Variants in PTPRD observed in about 807,000 individuals in gnomAD.
The protein encoded by PTPRD is protein tyrosine phosphatase receptor type D.
PTPRD carries 34 observed loss-of-function variants against 214.5 expected under a neutral mutation model. The ratio of observed to expected loss-of-function variants is 0.16; its 90% CI spans 0.12 to 0.21. The LOEUF (loss-of-function observed/expected upper bound fraction) is 0.21. PTPRD is among the 10% of genes least tolerant of loss of function. The pLI is 1.00. For synonymous variants in PTPRD, 1,128 were observed against 845.7 expected (o/e 1.33, Z -5.79); for missense variants, 2,545 against 2,398.7 (o/e 1.06, Z -1.27).
At chr9:9,068,863 A>AC (rs575628766) in intron 10 of PTPRD, among the ~76,000 whole-genome samples, 2 of 151,608 alleles carry the variant, frequency 1.3e-5, no homozygotes, top group Admixed American at 6.6e-5. Flanking sequence ...TCCCTCCTTG[A>AC]CCCCCCAAAG....
At chr9:8,658,259 G>A (rs117780427) in intron 12 of PTPRD, among the ~76,000 whole-genome samples, 160 of 152,220 alleles carry the variant, frequency 1.1e-3, no homozygotes, top group Non-Finnish European at 1.8e-3. Flanking sequence ...TATTATTATG[G>A]AAGTTTATAT....
rs548963618 is a variant in PTPRD, at chr9:9,036,227, T to G, written c.-142-17492A>C. On this transcript the variant is annotated intron_variant, in intron 10 of 45. Coordinates refer to ENST00000381196, the MANE Select transcript of PTPRD (RefSeq NM_002839.4). ...AGAAAATTAAAAAAAAAAAAAAACT[T>G]GGCAGGTTGTATGGAAACTAGGGAT... is the stretch of plus-strand genomic sequence containing the variant. Among the ~76,000 whole-genome samples, 3 of 150,116 alleles carry G rather than the reference T, an allele frequency of 2.0e-5. No homozygotes were observed. In the East Asian group the frequency reaches 5.9e-4, roughly 29 times the overall value.
intron 11 of PTPRD, among the ~76,000 whole-genome samples, chr9:8,792,860 C>G (rs1240533366): frequency 2.6e-5 from 4 of 151,954 alleles, no homozygotes; most frequent in African/African-American, 7.3e-5. Flanking sequence ...CCTTTTATTA[C>G]TGCTAAAAAG....
At chr9:9,708,250 G>A (rs1469184515) in intron 7 of PTPRD, among the ~76,000 whole-genome samples, 2 of 151,974 alleles carry the variant, frequency 1.3e-5, no homozygotes, top group Admixed American at 6.6e-5. Context: ...CATCAGTGAT[G>A]CATTCAGCTA....
chr9:8,373,714 G>C (rs1439574513), intron 39 of PTPRD, among the ~76,000 whole-genome samples: 1 of 149,192 alleles, frequency 6.7e-6, no homozygotes, highest in African/African-American at 2.5e-5. Flanking sequence ...TTTGCTATTT[G>C]CTTGCAAACA....
At chr9:9,114,734 C>T (rs989719105) in intron 10 of PTPRD, among the ~76,000 whole-genome samples, 13 of 152,138 alleles carry the variant, frequency 8.5e-5, no homozygotes, top group African/African-American at 2.9e-4. Flanking sequence ...AACCCTTTTG[C>T]CTCCTCTTTC....
intron 7 of PTPRD, among the ~76,000 whole-genome samples, chr9:9,719,998 C>T (rs1408145159): frequency 1.3e-5 from 2 of 152,128 alleles, no homozygotes; most frequent in Non-Finnish European, 2.9e-5. Context: ...TGCCACTCCA[C>T]ACCTGGCTCA....
At chr9:9,121,396 C>G (rs1474722715) in intron 10 of PTPRD, among the ~76,000 whole-genome samples, 1 of 152,088 alleles carries the variant, frequency 6.6e-6, no homozygotes, top group Admixed American at 6.6e-5. Flanking sequence ...CAGCACAAGT[C>G]ACAATAGGAA....
intron 14 of PTPRD, among the ~76,000 whole-genome samples, chr9:8,619,299 C>T (rs1028406625): frequency 6.6e-6 from 1 of 151,858 alleles, no homozygotes; most frequent in Non-Finnish European, 1.5e-5. Flanking sequence ...CTTAAACTTA[C>T]TCCTCCTAAC....
At chr9:9,348,253 C>T (rs1332917214) in intron 9 of PTPRD, among the ~76,000 whole-genome samples, 2 of 152,018 alleles carry the variant, frequency 1.3e-5, no homozygotes, top group Non-Finnish European at 2.9e-5. Context: ...TCTCAATTTA[C>T]TTAAAAAATC....
intron 3 of PTPRD, among the ~76,000 whole-genome samples, chr9:10,307,501 T>C (rs966506775): frequency 1.3e-5 from 2 of 152,146 alleles, no homozygotes; most frequent in South Asian, 2.1e-4. Context: ...TTTACTATTG[T>C]AAATAGAGCT....
rs150841874 is a variant in PTPRD at position 9,099,819 on chromosome 9, A to G, written c.-142-81084T>C. Among the ~76,000 whole-genome samples the G allele has an allele frequency of 6.6e-5, 10 of 152,264 alleles. No individual in the cohort carries two copies. The East Asian group carries it at 1.7e-3, about 26-fold the overall frequency. On this transcript the variant is annotated intron_variant, in intron 10 of 45. Transcript: ENST00000381196. ...GAAAGGATAAGTCACTGTGACATCT[A>G]CAGCTGAGATCAAACTCATTGCTTT...
intron 14 of PTPRD, among the ~76,000 whole-genome samples, chr9:8,568,140 T>C (rs1414526428): frequency 6.6e-6 from 1 of 152,114 alleles, no homozygotes; most frequent in Non-Finnish European, 1.5e-5. Context: ...AATTTAAAAA[T>C]CCAATAGATT....
Position 8,948,542 on chromosome 9 carries a change from T to TA in PTPRD, c.-104+70154_-104+70155insT, listed in dbSNP as rs1280532562. Among the ~76,000 whole-genome samples the TA allele has an allele frequency of 4.6e-4, 31 of 67,590 alleles. 4 individuals carry two copies. The highest frequency in any genetic ancestry group is 4.8e-4 in the South Asian group (1 of 2,068). The allele number at this position is 67,590 out of a possible 152,430, so 44.3% of individuals were successfully genotyped here. On this transcript the variant is annotated intron_variant, in intron 11 of 45. Transcript: ENST00000381196. ...ATTTATATATATATTTATATATATATTTATATATATTTATATATATTTATA... is the reference window on the plus strand; with the variant it reads ...ATTTATATATATATTTATATATATATATTATATATATTTATATATATTTATA...
chr9:8,920,227 G>C (rs1220480946), intron 11 of PTPRD, among the ~76,000 whole-genome samples: 2 of 151,990 alleles, frequency 1.3e-5, no homozygotes, highest in Non-Finnish European at 1.5e-5. Flanking sequence ...TGTAGTCCTA[G>C]CTACTTGGGG....
At chr9:8,587,233 C>T (rs1451596180) in intron 14 of PTPRD, among the ~76,000 whole-genome samples, 1 of 152,130 alleles carries the variant, frequency 6.6e-6, no homozygotes, top group Non-Finnish European at 1.5e-5. Flanking sequence ...TTTATTTATT[C>T]AACTACTTAC....
chr9:9,333,675 G>A (rs918092555), intron 9 of PTPRD, among the ~76,000 whole-genome samples: 27 of 151,318 alleles, frequency 1.8e-4, no homozygotes, highest in Non-Finnish European at 2.9e-4. Context: ...AATCTTGAAC[G>A]TGCCACTTGG....
chr9:8,496,978 T>A (rs2097289177), intron 26 of PTPRD, among the ~76,000 whole-genome samples: 1 of 152,228 alleles, frequency 6.6e-6, no homozygotes, highest in Non-Finnish European at 1.5e-5. Flanking sequence ...CTCCTCTGAC[T>A]GTCACAAGGC....
chr9:8,892,044 C>A lies in PTPRD; in HGVS notation c.-104+126653G>T, dbSNP rs143493910. The stretch of plus-strand genomic sequence containing the variant: ...CCCCTTTCTACTCCCTCCCTTCCTG[C>A]TTTTCTTTTCTCTGTGCTTGAGGTT... On this transcript the variant is annotated intron_variant, in intron 11 of 45. Transcript: ENST00000381196. Among the ~76,000 whole-genome samples the A allele has an allele frequency of 6.0e-4, 91 of 152,240 alleles. 2 individuals carry two copies. The East Asian group carries it at 0.017, about 28-fold the overall frequency.
Sources: gnomAD v4.1 joint callset for allele counts (sites outside exome capture counted in the v4.1 genomes callset) on GRCh38, gnomAD v4.1.1 for gene constraint, MANE v1.5 for transcripts, NCBI Gene and HGNC (gene_info 2026-07-23, HGNC 2026-07-21) for gene names.